The following FLT4 variants were observed in gnomAD, a reference collection of about 807,000 sequenced individuals.
FLT4 encodes vascular endothelial growth factor receptor 3.
A neutral mutation model predicts 163.2 loss-of-function variants in FLT4; 30 were observed. The ratio of observed to expected loss-of-function variants is 0.18; its 90% CI spans 0.14 to 0.25. The LOEUF (loss-of-function observed/expected upper bound fraction) is 0.25. FLT4 is among the 10% of genes least tolerant of loss of function. The pLI is 1.00. For synonymous variants in FLT4, 884 were observed against 789.5 expected, an observed-to-expected ratio of 1.12 and a Z score of -2.01; for missense variants, 1,510 against 1,863.8, an observed-to-expected ratio of 0.81 and a Z score of 3.50.
rs373327722 is a variant in FLT4, at chr5:180,619,379, C to A, written c.2648-13G>T. The A allele has an allele frequency of 2.5e-5, 40 of 1,593,440 alleles. No individual in the cohort carries two copies. Among genetic ancestry groups the A allele is most frequent in the Non-Finnish European group, 2.7e-5 (32 of 1,167,276 alleles). On this transcript the variant is annotated splice_polypyrimidine_tract_variant and intron_variant, in intron 18 of 29. Transcript: ENST00000261937. ...GCCGTGGCGCCCTCTGGAGGGGACA[C>A]GGGCCTCACACCGGCCCCGACCCTG... is the stretch of plus-strand genomic sequence containing the variant.
intron 1 of FLT4, among the ~76,000 whole-genome samples, chr5:180,640,431 C>T (rs929783241): frequency 2.0e-5 from 3 of 152,170 alleles, no homozygotes; most frequent in African/African-American, 4.8e-5. Context: ...GACCCCAGCC[C>T]GGCCTTCCTC....
Position 180,632,746 on chromosome 5 carries a change from T to G in FLT4, c.59-968A>C, listed in dbSNP as rs557264540. ...CTTCCTGCGTATGTGCAAACATGCA[T>G]GCATGTTTGTGTATCTCGGACATGC... On this transcript the variant is annotated intron_variant, in intron 1 of 29. Coordinates refer to ENST00000261937, the MANE Select transcript of FLT4 (RefSeq NM_182925.5). Among the ~76,000 whole-genome samples the G allele has an allele frequency of 2.9e-4, 44 of 152,278 alleles. No homozygotes were observed. The South Asian group carries it at 8.9e-3, about 31-fold the overall frequency.
intron 1 of FLT4, among the ~76,000 whole-genome samples, chr5:180,641,138 G>A (rs1765067467): frequency 6.6e-6 from 1 of 152,208 alleles, no homozygotes; most frequent in South Asian, 2.1e-4. Flanking sequence ...GTTGGGCTGT[G>A]TCCTCTGTCC....
chr5:180,616,519 G>A (rs1172167356), intron 22 of FLT4, 30 bp from the exon 23 acceptor site: 1 of 1,612,634 alleles, frequency 6.2e-7, no homozygotes. Flanking sequence ...CAGGGGGGCT[G>A]TCAGTGCAGG....
At chr5:180,603,842 T>G (rs971918548) in intron 29 of FLT4, among the ~76,000 whole-genome samples, 1 of 151,690 alleles carries the variant, frequency 6.6e-6, no homozygotes. Context: ...AGGCGGAGCT[T>G]GCAGTGAGCT....
intron 1 of FLT4, 46 bp downstream of exon 1, chr5:180,649,442 C>A: frequency 7.1e-7 from 1 of 1,408,550 alleles, no homozygotes; most frequent in Admixed American, 2.4e-5. Flanking sequence ...TACCCCCTCC[C>A]CGGCCAGCCC....
At chr5:180,614,426 T>C (rs1198162853) in intron 23 of FLT4, among the ~76,000 whole-genome samples, 1 of 152,024 alleles carries the variant, frequency 6.6e-6, no homozygotes, top group African/African-American at 2.4e-5. Context: ...TGGGCCCCTC[T>C]CCCTCCCAGC....
intron 29 of FLT4, among the ~76,000 whole-genome samples, chr5:180,606,106 T>C (rs1039739421): frequency 6.6e-6 from 1 of 151,872 alleles, no homozygotes; most frequent in African/African-American, 2.4e-5. Context: ...TCTTGGCTCA[T>C]TGTCGACAGA....
rs570797778 is a variant in FLT4 at position 180,649,347 on chromosome 5, C to A, written c.58+141G>T. On this transcript the variant is annotated intron_variant, in intron 1 of 29. Coordinates refer to ENST00000261937, the MANE Select transcript of FLT4 (RefSeq NM_182925.5). ...GGTCCCGCGCCCCAAGCGCCGTGCT[C>A]CCCTCAGGCGTCCGCGCACCAGGGC... is the stretch of plus-strand genomic sequence containing the variant. 2,774 of 534,924 alleles carry A rather than the reference C, an allele frequency of 5.2e-3. 7 individuals are homozygous for A. Among genetic ancestry groups the A allele is most frequent in the Middle Eastern group, 7.4e-3 (13 of 1,758 alleles). The allele number at this position is 534,924 out of a possible 1,614,324, so 33.1% of individuals were successfully genotyped here.
At position 180,620,513 on chromosome 5, in the gene FLT4, G is replaced by A; in HGVS notation, c.2406+96C>T. 9 of 1,200,140 alleles carry A rather than the reference G, an allele frequency of 7.5e-6. No individual in the cohort carries two copies. The highest frequency in any genetic ancestry group is 6.2e-5 in the South Asian group (5 of 80,538). The allele number at this position is 1,200,140 out of a possible 1,614,324, so 74.3% of individuals were successfully genotyped here. A position where few individuals can be genotyped will look rare whatever the true frequency, so the allele number is the denominator to read the frequency against. ...GCTTCCCAGGAAACAAGGCTGCCAG[G>A]TGAACTAGGGCGGGCACCTTATTCT... On this transcript the variant is annotated intron_variant, in intron 16 of 29. Transcript: ENST00000261937. The surrounding 1 kb of genome is among the most constrained non-coding windows in gnomAD (Gnocchi z 4.4).
At position 180,630,428 on chromosome 5, in the gene FLT4, A is replaced by G; in HGVS notation, c.401-91T>C. ...GGCTGGGTGGTGCTGGTCCTGAACC[A>G]GCCACCCGCTGGAGCAGGTAGGGCC... On this transcript the variant is annotated intron_variant, in intron 3 of 29. Transcript: ENST00000261937. The surrounding 1 kb of genome is among the most constrained non-coding windows in gnomAD (Gnocchi z 6.3). The G allele has an allele frequency of 6.4e-7, 1 of 1,556,588 alleles. No individual in the cohort carries two copies. The highest frequency in any genetic ancestry group is 8.8e-7 in the Non-Finnish European group (1 of 1,142,416).
chr5:180,605,717 C>T (rs2127783929), intron 29 of FLT4, among the ~76,000 whole-genome samples: 1 of 152,308 alleles, frequency 6.6e-6, no homozygotes, highest in Middle Eastern at 3.4e-3. Context: ...ATCATCCTGC[C>T]ACCAGGGGCC....
intron 27 of FLT4, among the ~76,000 whole-genome samples, chr5:180,610,350 C>T (rs1003405532): frequency 1.3e-5 from 2 of 152,250 alleles, no homozygotes; most frequent in African/African-American, 4.8e-5. Flanking sequence ...GCCAGGCAGC[C>T]CTGGGGCTGC....
chr5:180,630,356 C>G lies in FLT4; in HGVS notation c.401-19G>C, dbSNP rs56188706. On this transcript the variant is annotated intron_variant, in intron 3 of 29. Transcript: ENST00000261937. This position sits in a 1 kb window ranked among gnomAD's most constrained non-coding sequence, Gnocchi z 6.3. ...TCAAAGTCTATGGAGAGGGAGCAAG[C>G]TGTTGGGGAAGGGACGTGGCGGCCA... The G allele has an allele frequency of 0.1, 163,732 of 1,601,888 alleles. 13,304 individuals are homozygous for G. The highest frequency in any genetic ancestry group is 0.53 in the East Asian group (23,677 of 44,800).
Position 180,619,539 on chromosome 5 carries a change from T to C in FLT4, c.2647+126A>G, listed in dbSNP as rs780346871. Reference sequence around the variant, plus strand: ...TCGGCTCTGAAGCCCGCAGCCTCCCTGTAGAATCTCGGATGAGACTGGCTT... The same window carrying C: ...TCGGCTCTGAAGCCCGCAGCCTCCCCGTAGAATCTCGGATGAGACTGGCTT... On this transcript the variant is annotated intron_variant, in intron 18 of 29. Coordinates refer to ENST00000261937, the MANE Select transcript of FLT4 (RefSeq NM_182925.5). 45 of 1,003,874 alleles carry C rather than the reference T, an allele frequency of 4.5e-5. 1 individual carries two copies. In the South Asian group the frequency reaches 5.3e-4, roughly 12 times the overall value. 62.2% of individuals were successfully genotyped at this position (1,003,874 alleles called of 1,614,324 possible). A position where few individuals can be genotyped will look rare whatever the true frequency, so the allele number is the denominator to read the frequency against.
intron 7 of FLT4, 22 bp downstream of exon 7, chr5:180,629,237 A>T (rs1221145844): frequency 1.2e-6 from 2 of 1,612,058 alleles, no homozygotes; most frequent in Non-Finnish European, 1.7e-6. Flanking sequence ...GGGCACAAGG[A>T]CCCTGGTTTC....
chr5:180,612,828 C>T (rs554223615), intron 25 of FLT4, among the ~76,000 whole-genome samples, 183 bp downstream of exon 25: 5 of 152,254 alleles, frequency 3.3e-5, no homozygotes, highest in African/African-American at 9.6e-5. Flanking sequence ...CGACAGCGCC[C>T]GGCCTTCCCT....
rs1763177501 is a variant in FLT4 at position 180,621,896 on chromosome 5, C to T, written c.1666G>A (p.Asp556Asn). 13 of 1,613,324 alleles carry T rather than the reference C, an allele frequency of 8.1e-6. No homozygotes were observed. The highest frequency in any genetic ancestry group is 1.7e-5 in the Admixed American group (1 of 59,978). ...GGCTTGGATTCGATGGTGAAGCCGT[C>T]GGGGATGGCTGTGGAGGGAGGAAGA... ...LIYFYVTTIP[D>N]GFTIESKPSE... Residue 556 changes from aspartate to asparagine, a missense_variant, in exon 13 of 30, where the codon GAC (aspartate) becomes AAC (asparagine). This residue lies in a region of FLT4 where 878 missense variants were observed against 1,016.7 expected (regional missense o/e 0.86). Coordinates refer to ENST00000261937, the MANE Select transcript of FLT4 (RefSeq NM_182925.5).
chr5:180,628,931 C>T lies in FLT4; in HGVS notation c.1054G>A (p.Val352Met), dbSNP rs750248744. 1.9e-6 allele frequency: 3 copies of T among 1,612,782 alleles called. No homozygotes were observed. The Admixed American group carries it at 5.0e-5, about 27-fold the overall frequency. The change falls in exon 8 of 30, where the codon GTG (valine) becomes ATG (methionine). Residue 352 changes from valine (V) to methionine (M), a missense_variant. Transcript: ENST00000261937. ...GCTGCCAGCTTCACGGGCAGCTTCA[C>T]CAGCTCGTCTCCTGCCGTGGCCTCC... ...ILEATAGDEL[V>M]KLPVKLAAYP... is the part of the protein sequence containing the mutation.
Sources: gnomAD v4.1 joint callset for allele counts (sites outside exome capture counted in the v4.1 genomes callset) on GRCh38, gnomAD v4.1.1 for gene constraint, gnomAD v4.1.1 regional missense constraint, Gnocchi (gnomAD v3.1) non-coding constraint, MANE v1.5 for transcripts, NCBI Gene and HGNC (gene_info 2026-07-23, HGNC 2026-07-21) for gene names.